The following VCAN variants were observed in gnomAD, a reference collection of about 807,000 sequenced individuals.
VCAN encodes versican, also known as versican core protein.
Under a neutral mutation model 245.5 loss-of-function variants are expected in VCAN, and 44 were observed. The observed-to-expected ratio is 0.18, with a 90% CI of 0.14 to 0.23. The LOEUF (loss-of-function observed/expected upper bound fraction) is 0.23, where lower values mean the gene tolerates loss of function less well. VCAN is among the 10% of genes least tolerant of loss of function. The pLI, the probability that VCAN is intolerant of heterozygous loss-of-function variation, is 1.00. For synonymous variants in VCAN, 1,413 were observed against 1,437.0 expected, an observed-to-expected ratio of 0.98 and a Z score of 0.38; for missense variants, 3,793 against 4,057.9, an observed-to-expected ratio of 0.93 and a Z score of 1.77.
chr5:83,540,499 C>T lies in VCAN; in HGVS notation c.7496C>T (p.Ser2499Phe), dbSNP rs755979963. Residue 2499 changes from serine to phenylalanine, a missense_variant, in exon 8 of 15, where the codon TCC (serine) becomes TTC (phenylalanine). This residue lies in a region of VCAN where 3,182 missense variants were observed against 3,250.3 expected (regional missense o/e 0.98). Transcript: ENST00000265077. The stretch of plus-strand genomic sequence containing the variant: ...CTTCATTCAGAGCAGAACAAAAGCT[C>T]CCCTGATCCAACTAGCACACTGTCA... ...LPLHSEQNKS[S>F]PDPTSTLSNT... The T allele has an allele frequency of 6.2e-7, 1 of 1,613,932 alleles. No homozygotes were observed.
chr5:83,494,624 G>A (rs1053520156), intron 5 of VCAN, among the ~76,000 whole-genome samples: 12 of 152,116 alleles, frequency 7.9e-5, no homozygotes, highest in Admixed American at 2.6e-4. Context: ...CAATAGTACC[G>A]ACATTATCTA....
intron 13 of VCAN, among the ~76,000 whole-genome samples, chr5:83,574,935 CT>C (rs1170041917): frequency 1.3e-5 from 2 of 152,106 alleles, no homozygotes; most frequent in Non-Finnish European, 2.9e-5. Context: ...GCTGTACAGA[CT>C]TTTTCCCTAA....
chr5:83,561,255 A>G lies in VCAN; in HGVS notation c.9735+6217A>G, dbSNP rs571761042. ...AACAGAGAGACTTTCTCTCTTCTAC[A>G]TTTGTCCAAATCTGGTCAGGAAGTT... On this transcript the variant is annotated intron_variant, in intron 12 of 14. Transcript: ENST00000265077. Among the ~76,000 whole-genome samples, 11 of 152,116 alleles carry G rather than the reference A, an allele frequency of 7.2e-5. No individual in the cohort carries two copies. In the East Asian group the frequency reaches 1.7e-3, roughly 24 times the overall value.
intron 6 of VCAN, among the ~76,000 whole-genome samples, chr5:83,514,768 T>C (rs2112396485): frequency 6.6e-6 from 1 of 152,300 alleles, no homozygotes; most frequent in South Asian, 2.1e-4. Context: ...CTAGTATATA[T>C]TTTTAAAGAA....
In VCAN at chr5:83,472,036, C is replaced by G. The variant is rs574241098; in HGVS notation, c.-7+13C>G. On this transcript the variant is annotated intron_variant, in intron 1 of 14. Coordinates refer to ENST00000265077, the MANE Select transcript of VCAN (RefSeq NM_004385.5). ...GCCGCCTTCCAAGGTAATCACGTTT[C>G]TTTTGTTCCCCCCTTAAAAAACAAA... 1.1e-4 allele frequency: 38 copies of G among 355,288 alleles called. No homozygotes were observed. Among genetic ancestry groups the G allele is most frequent in the African/African-American group, 8.0e-4 (38 of 47,784 alleles). 22.0% of individuals were successfully genotyped at this position (355,288 alleles called of 1,614,324 possible).
Position 83,521,218 on chromosome 5 carries a change from A to G in VCAN, c.2912A>G (p.His971Arg), listed in dbSNP as rs767117438. Reference sequence around the variant, plus strand: ...CCTACTACTTATGTAGACTCTTCCCATACCATTCCTCTTTCTGTAATTCCC... The same window carrying G: ...CCTACTACTTATGTAGACTCTTCCCGTACCATTCCTCTTTCTGTAATTCCC... ...QEPTTYVDSS[H>R]TIPLSVIPKT... The change falls in exon 7 of 15, where the codon CAT (histidine) becomes CGT (arginine). Residue 971 changes from histidine (H) to arginine (R), a missense_variant. By Grantham distance (29) the His-to-Arg change is conservative. Transcript: ENST00000265077. 3 of 1,613,972 alleles carry G rather than the reference A, an allele frequency of 1.9e-6. No homozygotes were observed. The highest frequency in any genetic ancestry group is 1.1e-5 in the South Asian group (1 of 91,078).
chr5:83,523,811 A>T (rs1746191453), intron 7 of VCAN, among the ~76,000 whole-genome samples: 1 of 152,150 alleles, frequency 6.6e-6, no homozygotes, highest in South Asian at 2.1e-4. Context: ...ATCTCTCGGA[A>T]CTGGTGTAGG....
Position 83,539,484 on chromosome 5 carries a change from A to G in VCAN, c.6481A>G (p.Lys2161Glu), listed in dbSNP as rs372949044. 85 of 1,613,680 alleles carry G rather than the reference A, an allele frequency of 5.3e-5. No individual in the cohort carries two copies. The highest frequency in any genetic ancestry group is 4.9e-4 in the Middle Eastern group (3 of 6,078). The change falls in exon 8 of 15, where the codon AAG (lysine) becomes GAG (glutamate). Residue 2161 changes from lysine to glutamate, a missense_variant. By Grantham distance (56) the Lys-to-Glu change is moderately conservative (BLOSUM62 1). This residue lies in a region of VCAN where 3,182 missense variants were observed against 3,250.3 expected (regional missense o/e 0.98). Coordinates refer to ENST00000265077, the MANE Select transcript of VCAN (RefSeq NM_004385.5). The stretch of plus-strand genomic sequence containing the variant: ...CACAGATTATTCTGTACTAACAACA[A>G]AGAAAACTTACAGTGATGATAAAGA... ...KTTDYSVLTT[K>E]KTYSDDKEMK...
chr5:83,514,050 C>G (rs1250935762), intron 6 of VCAN, among the ~76,000 whole-genome samples: 3 of 151,976 alleles, frequency 2.0e-5, no homozygotes, highest in African/African-American at 7.3e-5. Flanking sequence ...AAGAATTCAT[C>G]CTGATGTGTT....
At chr5:83,493,154 GA>G (rs1166230348) in intron 3 of VCAN, among the ~76,000 whole-genome samples, 3 of 152,246 alleles carry the variant, frequency 2.0e-5, no homozygotes, top group African/African-American at 7.2e-5. Flanking sequence ...ATAAAGTCCT[GA>G]AGTAGAAGTT....
At chr5:83,564,206 T>G (rs10052710) in intron 12 of VCAN, among the ~76,000 whole-genome samples, 31,242 of 152,024 alleles carry the variant, frequency 0.21, 3,557 homozygotes, top group South Asian at 0.44. Context: ...TTTTTTATTT[T>G]TGCCACATGG....
At chr5:83,519,212 C>G (rs890598056) in intron 6 of VCAN, 137 bp from the exon 7 acceptor site, 6 of 757,492 alleles carry the variant, frequency 7.9e-6, no homozygotes, top group Non-Finnish European at 8.5e-6. Flanking sequence ...AGTTTTAAGA[C>G]TCCTCTCCAT....
rs1746023841 is a variant in VCAN, at chr5:83,520,146, A to G, written c.1840A>G (p.Asn614Asp). The change falls in exon 7 of 15, where the codon AAT (asparagine) becomes GAT (aspartate). Residue 614 changes from asparagine (N) to aspartate (D), a missense_variant. By Grantham distance (23) the Asn-to-Asp change is conservative (BLOSUM62 1). Transcript: ENST00000265077. ...TGTTTCCCCTTTAATTATGCCTGATAATAATGGATCATCCATGGATGACTG... is the reference window on the plus strand; with the variant it reads ...TGTTTCCCCTTTAATTATGCCTGATGATAATGGATCATCCATGGATGACTG... ...TTVSPLIMPD[N>D]NGSSMDDWEE... is the part of the protein sequence containing the mutation. 1 of 1,614,030 alleles carries G rather than the reference A, an allele frequency of 6.2e-7. No individual in the cohort carries two copies. The highest frequency in any genetic ancestry group is 1.1e-5 in the South Asian group (1 of 91,074).
intron 6 of VCAN, among the ~76,000 whole-genome samples, chr5:83,519,082 A>G (rs936846224): frequency 6.6e-6 from 1 of 152,178 alleles, no homozygotes; most frequent in Non-Finnish European, 1.5e-5. Context: ...ATTTTCCTCA[A>G]CTGGTAACAG....
intron 12 of VCAN, among the ~76,000 whole-genome samples, chr5:83,561,065 A>G (rs1169329672): frequency 6.6e-6 from 1 of 152,140 alleles, no homozygotes; most frequent in African/African-American, 2.4e-5. Flanking sequence ...TTATTCCTAA[A>G]CATTTTAAAA....
chr5:83,505,704 C>A (rs746596419), intron 5 of VCAN, among the ~76,000 whole-genome samples: 2 of 152,218 alleles, frequency 1.3e-5, no homozygotes, highest in Non-Finnish European at 2.9e-5. Flanking sequence ...GGGAGTGCCC[C>A]TGTAGGGACT....
chr5:83,485,551 T>C (rs948035464), intron 2 of VCAN, among the ~76,000 whole-genome samples: 1 of 152,084 alleles, frequency 6.6e-6, no homozygotes, highest in Non-Finnish European at 1.5e-5. Context: ...AAAGCAAGGG[T>C]AGCAGCAGAG....
At chr5:83,474,741 C>A (rs1206762365) in intron 1 of VCAN, among the ~76,000 whole-genome samples, 1 of 152,238 alleles carries the variant, frequency 6.6e-6, no homozygotes, top group African/African-American at 2.4e-5. Flanking sequence ...CCAGCTTAAC[C>A]GAGAGAGCCG....
At chr5:83,566,921 T>C (rs1235121922) in intron 12 of VCAN, among the ~76,000 whole-genome samples, 1 of 152,174 alleles carries the variant, frequency 6.6e-6, no homozygotes, top group African/African-American at 2.4e-5. Flanking sequence ...TTTCACCCTG[T>C]TAGGAATGGT....
Sources: gnomAD v4.1 joint callset for allele counts (sites outside exome capture counted in the v4.1 genomes callset) on GRCh38, gnomAD v4.1.1 for gene constraint, gnomAD v4.1.1 regional missense constraint, MANE v1.5 for transcripts, NCBI Gene and HGNC (gene_info 2026-07-23, HGNC 2026-07-21) for gene names.